Variants in FILIP1L observed in about 807,000 individuals in gnomAD.
FILIP1L encodes the protein filamin A-interacting protein 1-like.
Under a neutral mutation model 96.6 loss-of-function variants are expected in FILIP1L, and 55 were observed. The ratio of observed to expected loss-of-function variants is 0.57; its 90% confidence interval spans 0.46 to 0.71. The LOEUF is 0.71. Among genes scored for constraint, FILIP1L ranks in the 30% least tolerant of loss-of-function variants. The pLI is 0.00. For synonymous variants in FILIP1L, 467 were observed against 473.9 expected, an observed-to-expected ratio of 0.99 and a Z score of 0.19; for missense variants, 1,304 against 1,321.2, an observed-to-expected ratio of 0.99 and a Z score of 0.20.
intron 1 of FILIP1L, among the ~76,000 whole-genome samples, chr3:100,045,287 G>C (rs1472265691): frequency 1.3e-5 from 2 of 152,200 alleles, no homozygotes; most frequent in Non-Finnish European, 2.9e-5. Context: ...CTAGCTCATA[G>C]TAAGCACTCA....
chr3:100,113,403 C>T (rs991508423), intron 1 of FILIP1L, among the ~76,000 whole-genome samples: 1 of 152,214 alleles, frequency 6.6e-6, no homozygotes, highest in Non-Finnish European at 1.5e-5. Context: ...TGGGGTGTTA[C>T]AGAACAAGTT....
In FILIP1L at chr3:99,924,426, T is replaced by C. The variant is rs1707223523; in HGVS notation, c.427-18A>G. The C allele has an allele frequency of 6.2e-7, 1 of 1,608,784 alleles. No homozygotes were observed. Among genetic ancestry groups the C allele is most frequent in the East Asian group, 2.2e-5 (1 of 44,850 alleles). On this transcript the variant is annotated intron_variant, in intron 3 of 5. Transcript: ENST00000477258. Reference sequence around the variant, plus strand: ...TTGTCCAACTACGAAAGAAAACATTTATAGCCTGTTACCAAATTGTTTATA... The same window carrying C: ...TTGTCCAACTACGAAAGAAAACATTCATAGCCTGTTACCAAATTGTTTATA...
intron 1 of FILIP1L, among the ~76,000 whole-genome samples, chr3:100,068,772 C>T (rs767160158): frequency 6.6e-6 from 1 of 152,152 alleles, no homozygotes; most frequent in East Asian, 1.9e-4. Context: ...GGAATACAGG[C>T]GCCCACCACC....
chr3:100,059,097 C>T (rs2065515580), intron 1 of FILIP1L, among the ~76,000 whole-genome samples: 2 of 152,178 alleles, frequency 1.3e-5, no homozygotes, highest in African/African-American at 4.8e-5. Context: ...CAAAGTAAAG[C>T]TTAAAGTTTC....
chr3:100,035,322 G>T (rs1293324310), intron 1 of FILIP1L, among the ~76,000 whole-genome samples: 11 of 152,194 alleles, frequency 7.2e-5, no homozygotes, highest in Non-Finnish European at 1.5e-4. Context: ...CACCCAGGCT[G>T]GAGTTCAATG....
chr3:99,991,877 CATATATGT>C (rs1401955759), intron 1 of FILIP1L, among the ~76,000 whole-genome samples: 1 of 145,420 alleles, frequency 6.9e-6, no homozygotes, highest in Non-Finnish European at 1.5e-5. Context: ...TATATACACA[CATATATGT>C]ATATATGTGT....
intron 1 of FILIP1L, among the ~76,000 whole-genome samples, chr3:99,986,310 G>C (rs1709340975): frequency 6.6e-6 from 1 of 152,154 alleles, no homozygotes; most frequent in Admixed American, 6.5e-5. Flanking sequence ...TGTGGCATTA[G>C]ATATGCCCTC....
intron 1 of FILIP1L, among the ~76,000 whole-genome samples, chr3:100,033,296 T>C (rs2065050216): frequency 1.3e-5 from 2 of 152,276 alleles, no homozygotes; most frequent in Admixed American, 1.3e-4. Flanking sequence ...CTGTCTGAAC[T>C]TGCCCTCAAA....
At chr3:100,009,559 C>G (rs1710084201) in intron 1 of FILIP1L, among the ~76,000 whole-genome samples, 1 of 152,142 alleles carries the variant, frequency 6.6e-6, no homozygotes, top group Non-Finnish European at 1.5e-5. Flanking sequence ...ATAGACCAAG[C>G]TCTTAATTTC....
intron 1 of FILIP1L, among the ~76,000 whole-genome samples, chr3:100,014,775 C>T (rs961571405): frequency 4.0e-4 from 57 of 142,238 alleles, no homozygotes; most frequent in Non-Finnish European, 7.9e-4. Context: ...AATGTTTTCT[C>T]TCATTCCATA....
At chr3:99,855,433 A>G (rs1034706906) in intron 4 of FILIP1L, among the ~76,000 whole-genome samples, 1 of 152,226 alleles carries the variant, frequency 6.6e-6, no homozygotes, top group African/African-American at 2.4e-5. Flanking sequence ...ATGTGTTGCC[A>G]AGCAGTGAGC....
intron 1 of FILIP1L, among the ~76,000 whole-genome samples, chr3:100,092,171 G>A (rs974252684): frequency 1.3e-5 from 2 of 152,124 alleles, no homozygotes; most frequent in African/African-American, 4.8e-5. Context: ...TTTTATCATG[G>A]CTTTCAAAGT....
chr3:99,952,710 A>G, intron 1 of FILIP1L, among the ~76,000 whole-genome samples: 1 of 152,206 alleles, frequency 6.6e-6, no homozygotes, highest in Non-Finnish European at 1.5e-5. Flanking sequence ...AATAATATCT[A>G]TAGTTTACTA....
At chr3:99,894,938 C>T (rs1163494377) in intron 4 of FILIP1L, among the ~76,000 whole-genome samples, 1 of 152,144 alleles carries the variant, frequency 6.6e-6, no homozygotes, top group African/African-American at 2.4e-5. Flanking sequence ...ATGTGTTACA[C>T]GAAACATGAT....
intron 4 of FILIP1L, among the ~76,000 whole-genome samples, chr3:99,866,114 T>C (rs1944501324): frequency 6.6e-6 from 1 of 152,140 alleles, no homozygotes; most frequent in South Asian, 2.1e-4. Context: ...GTAGAAAGCA[T>C]GTATCCTTTT....
chr3:100,019,901 C>T (rs185239317), intron 1 of FILIP1L, among the ~76,000 whole-genome samples: 136 of 152,040 alleles, frequency 8.9e-4, no homozygotes, highest in Middle Eastern at 3.4e-3. Flanking sequence ...CTTTTTTTCA[C>T]TTAAAGGAAG....
At chr3:100,089,174 A>G (rs889509006) in intron 1 of FILIP1L, among the ~76,000 whole-genome samples, 1 of 152,232 alleles carries the variant, frequency 6.6e-6, no homozygotes, top group African/African-American at 2.4e-5. Flanking sequence ...CTACTTTGCT[A>G]ATACATTCCA....
At chr3:100,039,404 A>T (rs1238355380) in intron 1 of FILIP1L, among the ~76,000 whole-genome samples, 1 of 152,236 alleles carries the variant, frequency 6.6e-6, no homozygotes, top group South Asian at 2.1e-4. Context: ...AGTATGTAGT[A>T]TAAAGATTTC....
intron 1 of FILIP1L, among the ~76,000 whole-genome samples, chr3:100,037,351 T>G (rs1375452688): frequency 1.3e-5 from 2 of 152,122 alleles, no homozygotes; most frequent in Non-Finnish European, 1.5e-5. Context: ...TAATAACTGG[T>G]GAATATGGGT....
Sources: gnomAD v4.1 joint callset for allele counts (sites outside exome capture counted in the v4.1 genomes callset) on GRCh38, gnomAD v4.1.1 for gene constraint, MANE v1.5 for transcripts, NCBI Gene and HGNC (gene_info 2026-07-23, HGNC 2026-07-21) for gene names.